C12orf42: variants seen among roughly 807,000 people sequenced by gnomAD.
C12orf42 encodes chromosome 12 open reading frame 42.
Under a neutral mutation model 21.6 loss-of-function variants are expected in C12orf42, and 25 were observed. The observed-to-expected ratio is 1.16, with a 90% CI of 0.84 to 1.62. C12orf42 has a LOEUF of 1.62. Among genes scored for constraint, C12orf42 ranks in the 40% most tolerant of loss-of-function variants. The pLI is 0.00. For missense variants in C12orf42, 483 were observed against 459.3 expected, an observed-to-expected ratio of 1.05 and a Z score of -0.47; for synonymous variants, 174 against 175.0, an observed-to-expected ratio of 0.99 and a Z score of 0.05.
the C12orf42 span, among the ~76,000 whole-genome samples, chr12:103,218,055 TG>T: frequency 6.6e-6 from 1 of 151,948 alleles, no homozygotes; most frequent in African/African-American, 2.4e-5. Flanking sequence ...GCGAGGTGAG[TG>T]GATTACCTGA....
At chr12:103,493,410 C>T (rs1955307447) in intron 1 of C12orf42, among the ~76,000 whole-genome samples, 1 of 151,868 alleles carries the variant, frequency 6.6e-6, no homozygotes, top group South Asian at 2.1e-4. Flanking sequence ...ATGTTCCCCA[C>T]ACTCACAATG....
At chr12:103,460,980 T>G (rs948172808) in intron 2 of C12orf42, among the ~76,000 whole-genome samples, 2 of 152,188 alleles carry the variant, frequency 1.3e-5, no homozygotes, top group Non-Finnish European at 2.9e-5. Context: ...TATAGTCTGT[T>G]GTAGATTTGT....
the C12orf42 span, among the ~76,000 whole-genome samples, chr12:103,208,666 A>G: frequency 5.9e-5 from 9 of 152,342 alleles, no homozygotes; most frequent in East Asian, 1.7e-3. Flanking sequence ...GCAGAACAAT[A>G]GCAATTCCAT....
chr12:103,413,716 A>G (rs2049048356), intron 2 of C12orf42, among the ~76,000 whole-genome samples: 1 of 152,050 alleles, frequency 6.6e-6, no homozygotes, highest in South Asian at 2.1e-4. Context: ...CCACTTATAA[A>G]TGAGAACATG....
chr12:103,520,931 A>G, the C12orf42 span, among the ~76,000 whole-genome samples: 1 of 152,240 alleles, frequency 6.6e-6, no homozygotes, highest in Non-Finnish European at 1.5e-5. Flanking sequence ...CCAAAACTCC[A>G]GAAGGAATTA....
chr12:103,211,906 AT>A, the C12orf42 span, among the ~76,000 whole-genome samples: 1 of 152,122 alleles, frequency 6.6e-6, no homozygotes, highest in Non-Finnish European at 1.5e-5. Context: ...GTTTGAAAGC[AT>A]TTTTTTAAAT....
At chr12:103,544,507 T>C in the C12orf42 span, among the ~76,000 whole-genome samples, 2 of 152,212 alleles carry the variant, frequency 1.3e-5, no homozygotes, top group Admixed American at 6.5e-5. Context: ...TTCACCCTGA[T>C]TGGGATGGAT....
chr12:103,448,754 T>C (rs1167529742), intron 2 of C12orf42, among the ~76,000 whole-genome samples: 3 of 151,584 alleles, frequency 2.0e-5, no homozygotes, highest in Non-Finnish European at 4.4e-5. Flanking sequence ...CACTCCTGCA[T>C]GAATGGCCAT....
chr12:103,223,632 T>C, the C12orf42 span, among the ~76,000 whole-genome samples: 2 of 152,072 alleles, frequency 1.3e-5, no homozygotes, highest in Non-Finnish European at 2.9e-5. Context: ...AAGCAGGGCA[T>C]TTATGAGTAG....
intron 4 of C12orf42, among the ~76,000 whole-genome samples, chr12:103,367,667 G>A (rs549154903): frequency 3.3e-5 from 5 of 151,962 alleles, no homozygotes; most frequent in African/African-American, 9.6e-5. Flanking sequence ...TTTTCCCATG[G>A]GAGAAAGGGG....
the C12orf42 span, among the ~76,000 whole-genome samples, chr12:103,527,311 A>G: frequency 6.6e-6 from 1 of 152,162 alleles, no homozygotes; most frequent in African/African-American, 2.4e-5. Context: ...TAAAGACTAC[A>G]GAATGACAAG....
the C12orf42 span, among the ~76,000 whole-genome samples, chr12:103,167,574 C>G: frequency 6.6e-6 from 1 of 152,084 alleles, no homozygotes; most frequent in Non-Finnish European, 1.5e-5. Flanking sequence ...CTGTTTCAAC[C>G]CAGTGGATTT....
At chr12:103,089,619 C>CTGTGTGTGTGTG in the C12orf42 span, among the ~76,000 whole-genome samples, 235 of 145,586 alleles carry the variant, frequency 1.6e-3, 2 homozygotes, top group African/African-American at 5.6e-3. Flanking sequence ...GTGTGTGTGT[C>CTGTGTGTGTGTG]TGTGTGTGTG....
chr12:103,510,087 A>G, the C12orf42 span, among the ~76,000 whole-genome samples: 2 of 152,242 alleles, frequency 1.3e-5, no homozygotes, highest in African/African-American at 4.8e-5. Flanking sequence ...TGCAATTGCA[A>G]AAATGTGGAG....
chr12:103,305,214 A>T (rs2038154370), intron 5 of C12orf42, among the ~76,000 whole-genome samples: 1 of 152,178 alleles, frequency 6.6e-6, no homozygotes, highest in East Asian at 1.9e-4. Context: ...AAGACTATAT[A>T]ACATCAGTCT....
intron 10 of C12orf42, among the ~76,000 whole-genome samples, chr12:103,239,333 C>A (rs1261977618): frequency 6.6e-6 from 1 of 152,120 alleles, no homozygotes; most frequent in African/African-American, 2.4e-5. Flanking sequence ...CCAAGTAGCC[C>A]TTGGCATCAA....
At chr12:103,071,992 T>A in the C12orf42 span, among the ~76,000 whole-genome samples, 2 of 152,186 alleles carry the variant, frequency 1.3e-5, no homozygotes, top group Admixed American at 1.3e-4. Context: ...AGCATGTAGG[T>A]GCTTACAGCA....
At chr12:103,441,975 T>A (rs918749122) in intron 2 of C12orf42, among the ~76,000 whole-genome samples, 6 of 152,034 alleles carry the variant, frequency 3.9e-5, no homozygotes, top group African/African-American at 9.7e-5. Flanking sequence ...AGACCTCATC[T>A]CTACAAAAAA....
chr12:103,094,801 T>C, the C12orf42 span, among the ~76,000 whole-genome samples: 1 of 152,180 alleles, frequency 6.6e-6, no homozygotes, highest in African/African-American at 2.4e-5. Context: ...TTGTGTCATG[T>C]GTCCGGTTGG....
Sources: gnomAD v4.1 joint callset for allele counts (sites outside exome capture counted in the v4.1 genomes callset) on GRCh38, gnomAD v4.1.1 for gene constraint, MANE v1.5 for transcripts, NCBI Gene and HGNC (gene_info 2026-07-23, HGNC 2026-07-21) for gene names.